The following NAALADL2 variants were observed in gnomAD, a reference collection of about 807,000 sequenced individuals.
NAALADL2 encodes the protein inactive N-acetylated-alpha-linked acidic dipeptidase-like protein 2.
Under a neutral mutation model 87.2 loss-of-function variants are expected in NAALADL2, and 76 were observed. The observed-to-expected ratio is 0.87, with a 90% confidence interval of 0.72 to 1.05. The LOEUF is 1.05. Among genes scored for constraint, NAALADL2 ranks in the 50% least tolerant of loss-of-function variants. The pLI, the probability that NAALADL2 is intolerant of heterozygous loss-of-function variation, is 0.00. For synonymous variants in NAALADL2, 354 were observed against 331.0 expected, an observed-to-expected ratio of 1.07 and a Z score of -0.75; for missense variants, 1,089 against 945.8, an observed-to-expected ratio of 1.15 and a Z score of -1.99.
At position 175,199,634 on chromosome 3, in the gene NAALADL2, G is replaced by A. The variant is rs139196458; in HGVS notation, c.546-34297G>A. On this transcript the variant is annotated intron_variant, in intron 2 of 13. Transcript: ENST00000454872. ...AAAAGTGCACTAAGGGCTATGGTGC[G>A]TAGACTGCGTGGAGGGAGGGATAAG... 4.6e-4 allele frequency among the ~76,000 whole-genome samples: 69 copies of A among 151,076 alleles called. 1 individual carries two copies. Among genetic ancestry groups the A allele is most frequent in the African/African-American group, 3.4e-4 (14 of 41,236 alleles).
chr3:175,598,420 G>A (rs550334239), intron 10 of NAALADL2, among the ~76,000 whole-genome samples: 2 of 151,422 alleles, frequency 1.3e-5, no homozygotes, highest in East Asian at 3.9e-4. Flanking sequence ...AACAGGTTCA[G>A]GTAATTCCAT....
In NAALADL2 at chr3:175,762,189, T is replaced by C. The variant is rs537534079; in HGVS notation, c.2189+6771T>C. On this transcript the variant is annotated intron_variant, in intron 13 of 13. Coordinates refer to ENST00000454872, the MANE Select transcript of NAALADL2 (RefSeq NM_207015.3). ...TCATGAAAAGGATAAGGTCTGTGTT[T>C]CGATTTTTTTTTTTTTTTGCATGTA... Among the ~76,000 whole-genome samples, 6 of 97,650 alleles carry C rather than the reference T, an allele frequency of 6.1e-5. No homozygotes were observed. The East Asian group carries it at 1.7e-3, about 28-fold the overall frequency. 64.1% of individuals were successfully genotyped at this position (97,650 alleles called of 152,430 possible).
intron 5 of NAALADL2, among the ~76,000 whole-genome samples, chr3:175,411,567 A>G (rs772609673): frequency 1.1e-4 from 16 of 152,112 alleles, no homozygotes; most frequent in Non-Finnish European, 2.1e-4. Flanking sequence ...TGTATAAGGG[A>G]GGAGTTGAAT....
intron 4 of NAALADL2, among the ~76,000 whole-genome samples, chr3:175,298,899 C>T (rs1456992458): frequency 6.6e-6 from 1 of 152,096 alleles, no homozygotes; most frequent in Non-Finnish European, 1.5e-5. Context: ...TTCTATTTCC[C>T]TTAAACTACA....
rs1576884893 is a variant in NAALADL2 at position 175,805,897 on chromosome 3, C to T, written c.*2694C>T. Reference sequence around the variant, plus strand: ...GCCTAATAAAGATTCTGGTCTAAGCCCTGAGATCTTGCCTTCAGCCAGAGA... The same window carrying T: ...GCCTAATAAAGATTCTGGTCTAAGCTCTGAGATCTTGCCTTCAGCCAGAGA... On this transcript the variant is annotated 3_prime_UTR_variant, in exon 14 of 14. Coordinates refer to ENST00000454872, the MANE Select transcript of NAALADL2 (RefSeq NM_207015.3). 6.6e-6 allele frequency: 1 copy of T among 151,786 alleles called. No individual in the cohort carries two copies. The highest frequency in any genetic ancestry group is 1.9e-4 in the East Asian group (1 of 5,168). 9.4% of individuals were successfully genotyped at this position (151,786 alleles called of 1,614,324 possible). A position where few individuals can be genotyped will look rare whatever the true frequency, so the allele number is the denominator to read the frequency against.
chr3:175,029,672 G>A (rs908513496), intron 1 of NAALADL2, among the ~76,000 whole-genome samples: 6 of 151,702 alleles, frequency 4.0e-5, no homozygotes, highest in African/African-American at 1.2e-4. Context: ...AATGAAATAA[G>A]TCTAAATGAA....
intron 2 of NAALADL2, among the ~76,000 whole-genome samples, chr3:175,205,502 A>G (rs1740683654): frequency 6.6e-6 from 1 of 152,230 alleles, no homozygotes; most frequent in Non-Finnish European, 1.5e-5. Flanking sequence ...TCTAGAAGAT[A>G]ACACTGGAAA....
At chr3:174,911,012 C>A (rs1320655889) in intron 1 of NAALADL2, among the ~76,000 whole-genome samples, 1 of 152,116 alleles carries the variant, frequency 6.6e-6, no homozygotes, top group Admixed American at 6.5e-5. Context: ...CAGGGGCCAC[C>A]ACCTTACCTG....
At chr3:175,598,343 C>A (rs564323131) in intron 10 of NAALADL2, among the ~76,000 whole-genome samples, 17 of 146,196 alleles carry the variant, frequency 1.2e-4, no homozygotes, top group Admixed American at 7.4e-4. Flanking sequence ...AAAAAAATAG[C>A]CCTAAGATTT....
chr3:174,677,906 A>G (rs1677654576), intron 2 of NAALADL2, among the ~76,000 whole-genome samples: 2 of 152,236 alleles, frequency 1.3e-5, no homozygotes, highest in East Asian at 1.9e-4. Context: ...AATGCAAAAA[A>G]TGTATCAATA....
At chr3:174,981,483 A>T (rs888551970) in intron 1 of NAALADL2, among the ~76,000 whole-genome samples, 3 of 152,254 alleles carry the variant, frequency 2.0e-5, no homozygotes, top group East Asian at 3.9e-4. Context: ...GAAAATTTCT[A>T]TTTCTTCAAA....
intron 9 of NAALADL2, among the ~76,000 whole-genome samples, chr3:175,525,586 T>A (rs572224075): frequency 6.6e-6 from 1 of 152,274 alleles, no homozygotes; most frequent in Non-Finnish European, 1.5e-5. Flanking sequence ...AAAAAGGATT[T>A]TTTTTTTGTC....
intron 3 of NAALADL2, among the ~76,000 whole-genome samples, chr3:174,833,381 C>T (rs1579120285): frequency 6.6e-6 from 1 of 151,996 alleles, no homozygotes; most frequent in Non-Finnish European, 1.5e-5. Context: ...ACTTAACAGC[C>T]CTATTACAGT....
At chr3:175,771,509 G>A (rs1749480338) in intron 13 of NAALADL2, among the ~76,000 whole-genome samples, 3 of 152,148 alleles carry the variant, frequency 2.0e-5, no homozygotes, top group Admixed American at 2.0e-4. Context: ...CCAGAAGTCT[G>A]AGATCAAGAG....
intron 11 of NAALADL2, among the ~76,000 whole-genome samples, chr3:175,714,124 G>C (rs1451630600): frequency 2.6e-5 from 4 of 151,994 alleles, no homozygotes; most frequent in Non-Finnish European, 4.4e-5. Flanking sequence ...TTTATCCAGT[G>C]TATTATTGAT....
intron 2 of NAALADL2, among the ~76,000 whole-genome samples, chr3:175,173,921 A>G (rs1192006714): frequency 6.6e-6 from 1 of 152,170 alleles, no homozygotes; most frequent in African/African-American, 2.4e-5. Flanking sequence ...TTAATAACAG[A>G]CTTGAGAATT....
intron 1 of NAALADL2, among the ~76,000 whole-genome samples, chr3:174,932,506 A>C (rs1737054801): frequency 6.6e-6 from 1 of 152,200 alleles, no homozygotes; most frequent in African/African-American, 2.4e-5. Flanking sequence ...AACAGCAAGC[A>C]GATCTCCTGC....
At position 175,447,299 on chromosome 3, in the gene NAALADL2, T is replaced by G; in HGVS notation, c.1161T>G (p.Val387=). 1 of 1,607,050 alleles carries G rather than the reference T, an allele frequency of 6.2e-7. No individual in the cohort carries two copies. Among genetic ancestry groups the G allele is most frequent in the Non-Finnish European group, 8.5e-7 (1 of 1,176,124 alleles). Residue 387 remains valine (V), a synonymous_variant, in exon 6 of 14, where the codon GTT becomes GTG. Transcript: ENST00000454872. ...LLVQPISAPL[V]AKLISSPKAR... ...TGCAGCCCATCTCTGCACCCCTCGT[T>G]GCAAAACTGATCTCTTCGCCAAAAG...
intron 5 of NAALADL2, among the ~76,000 whole-genome samples, chr3:175,440,973 T>C (rs1719623612): frequency 1.3e-5 from 2 of 152,188 alleles, no homozygotes; most frequent in South Asian, 2.1e-4. Context: ...GTTAATCATT[T>C]TGAAGGAGAC....
Sources: allele counts gnomAD v4.1 joint callset (sites outside exome capture counted in the v4.1 genomes callset), GRCh38; gene constraint gnomAD v4.1.1; transcripts MANE v1.5; gene names NCBI Gene and HGNC (gene_info 2026-07-23, HGNC 2026-07-21).